Variants in SGMS2 observed in about 807,000 individuals in gnomAD.
SGMS2 encodes the protein phosphatidylcholine:ceramide cholinephosphotransferase 2.
In SGMS2, 21 loss-of-function variants were observed where a neutral mutation model predicts 43.8. The ratio of observed to expected loss-of-function variants is 0.48; its 90% confidence interval spans 0.34 to 0.69. The LOEUF (loss-of-function observed/expected upper bound fraction) is 0.69, where lower values mean the gene tolerates loss of function less well. Ranked by LOEUF, SGMS2 falls within the 30% of genes least tolerant of loss-of-function variation. The probability of loss-of-function intolerance (pLI) is 0.01; values close to 1 mark genes in which losing one functional copy is unlikely to be tolerated. For missense variants in SGMS2, 384 were observed against 443.2 expected, an observed-to-expected ratio of 0.87 and a Z score of 1.20; for synonymous variants, 167 against 160.6, an observed-to-expected ratio of 1.04 and a Z score of -0.30.
chr4:107,831,058 G>T (rs1254351442), intron 1 of SGMS2, among the ~76,000 whole-genome samples: 1 of 152,182 alleles, frequency 6.6e-6, no homozygotes, highest in Admixed American at 6.5e-5. Context: ...GAAGCAATTT[G>T]GAAAGTGTTT....
At chr4:107,889,563 T>A (rs1445362829) in intron 2 of SGMS2, among the ~76,000 whole-genome samples, 1 of 152,208 alleles carries the variant, frequency 6.6e-6, no homozygotes, top group African/African-American at 2.4e-5. Context: ...TAGAGCTTTT[T>A]AATATATTTT....
chr4:107,895,940 T>C lies in SGMS2; in HGVS notation c.387T>C (p.Ser129=), dbSNP rs1192113661. The C allele has an allele frequency of 6.2e-7, 1 of 1,613,876 alleles. No individual in the cohort carries two copies. Among genetic ancestry groups the C allele is most frequent in the East Asian group, 2.2e-5 (1 of 44,882 alleles). ...TTGATAGGGTGAAATGGGCATTTTC[T>C]GTATCAGAAATAAATGGGATTATAT... is the stretch of plus-strand genomic sequence containing the variant. The part of the protein sequence containing the change: ...DYIDRVKWAF[S]VSEINGIILV... Residue 129 remains serine, a synonymous_variant, in exon 3 of 7, where the codon TCT becomes TCC. Coordinates refer to ENST00000690982, the MANE Select transcript of SGMS2 (RefSeq NM_001375905.1).
chr4:107,836,798 G>A (rs567106464), intron 1 of SGMS2, among the ~76,000 whole-genome samples: 54 of 152,226 alleles, frequency 3.5e-4, no homozygotes, highest in African/African-American at 1.0e-3. Flanking sequence ...TTTGGCGGCC[G>A]GAACACATAT....
intron 1 of SGMS2, among the ~76,000 whole-genome samples, chr4:107,826,889 A>G (rs1001241120): frequency 4.6e-5 from 7 of 152,256 alleles, no homozygotes; most frequent in African/African-American, 7.2e-5. Flanking sequence ...ATAACAACTT[A>G]CAGGGTGAAA....
chr4:107,833,398 A>G (rs2125988396), intron 1 of SGMS2, among the ~76,000 whole-genome samples: 1 of 152,314 alleles, frequency 6.6e-6, no homozygotes, highest in Admixed American at 6.5e-5. Flanking sequence ...CCCAGAACCT[A>G]TGAATCTGTT....
chr4:107,859,367 T>C (rs1425536188), intron 2 of SGMS2, among the ~76,000 whole-genome samples: 2 of 152,324 alleles, frequency 1.3e-5, no homozygotes, highest in East Asian at 1.9e-4. Flanking sequence ...TCATTTAAAA[T>C]AAATATTTGT....
chr4:107,906,523 C>T (rs1731592208), intron 5 of SGMS2, among the ~76,000 whole-genome samples: 1 of 152,214 alleles, frequency 6.6e-6, no homozygotes, highest in Non-Finnish European at 1.5e-5. Context: ...TAGAATTCCA[C>T]ACAGACAGTG....
rs886312194 is a variant in SGMS2 at position 107,895,466 on chromosome 4, C to G, written c.-88C>G. The G allele has an allele frequency of 1.6e-5, 22 of 1,338,828 alleles. No homozygotes were observed. The highest frequency in any genetic ancestry group is 3.8e-4 in the Middle Eastern group (2 of 5,276). The allele number at this position is 1,338,828 out of a possible 1,614,324, so 82.9% of individuals were successfully genotyped here. A position where few individuals can be genotyped will look rare whatever the true frequency, so the allele number is the denominator to read the frequency against. ...GTCCATTGTAAGAGTCCATGTTGAT[C>G]TTGGAAATAGAAGGATTGAAAAAAG... On this transcript the variant is annotated 5_prime_UTR_variant, in exon 3 of 7. It adds an upstream start codon to the 5' untranslated region. Coordinates refer to ENST00000690982, the MANE Select transcript of SGMS2 (RefSeq NM_001375905.1).
At position 107,895,669 on chromosome 4, in the gene SGMS2, A is replaced by G. The variant is rs912978477; in HGVS notation, c.116A>G (p.Asn39Ser). 5.6e-6 allele frequency: 9 copies of G among 1,614,042 alleles called. No individual in the cohort carries two copies. The highest frequency in any genetic ancestry group is 2.2e-5 in the South Asian group (2 of 91,080). Residue 39 changes from asparagine to serine, a missense_variant, in exon 3 of 7, where the codon AAT (asparagine) becomes AGT (serine). By Grantham distance (46) the Asn-to-Ser change is conservative (BLOSUM62 1). Coordinates refer to ENST00000690982, the MANE Select transcript of SGMS2 (RefSeq NM_001375905.1). ...EPVEEENKNG[N>S]GKPKSLSSGL... Reference sequence around the variant, plus strand: ...GTTGAAGAAGAAAACAAAAATGGCAATGGTAAACCCAAGAGCTTATCCAGT... The same window carrying G: ...GTTGAAGAAGAAAACAAAAATGGCAGTGGTAAACCCAAGAGCTTATCCAGT...
intron 2 of SGMS2, among the ~76,000 whole-genome samples, chr4:107,876,391 C>T (rs1728913049): frequency 6.6e-6 from 1 of 152,102 alleles, no homozygotes; most frequent in African/African-American, 2.4e-5. Context: ...GCCTTTATCT[C>T]CATACAGAGC....
At chr4:107,855,771 G>A (rs1337151028) in intron 1 of SGMS2, among the ~76,000 whole-genome samples, 2 of 152,118 alleles carry the variant, frequency 1.3e-5, no homozygotes, top group Non-Finnish European at 2.9e-5. Context: ...TCTGTCCATT[G>A]CCAAAAGTGG....
intron 1 of SGMS2, among the ~76,000 whole-genome samples, chr4:107,851,349 A>T (rs1319298209): frequency 6.6e-6 from 1 of 152,186 alleles, no homozygotes; most frequent in Non-Finnish European, 1.5e-5. Context: ...CCTCTTAGAA[A>T]TCTTAAGAAC....
chr4:107,892,772 C>T (rs1046905562), intron 2 of SGMS2, among the ~76,000 whole-genome samples: 1 of 152,044 alleles, frequency 6.6e-6, no homozygotes, highest in Non-Finnish European at 1.5e-5. Context: ...AGAAGGCAAT[C>T]AGATATGCAT....
rs1385206233 is a variant in SGMS2 at position 107,899,674 on chromosome 4, T to C, written c.555T>C (p.His185=). Residue 185 remains histidine, a synonymous_variant, in exon 4 of 7, where the codon CAT becomes CAC. Transcript: ENST00000690982. ...CTACTCTACCTGTGCCTGGAATGCA[T>C]TTCCAGTGTGCTCCAAAGGTCAGTA... ...YVTTLPVPGM[H]FQCAPKLNGD... is the part of the protein sequence containing the mutation. The C allele has an allele frequency of 2.6e-5, 42 of 1,611,618 alleles. No homozygotes were observed. The highest frequency in any genetic ancestry group is 3.2e-5 in the Non-Finnish European group (38 of 1,178,716).
intron 1 of SGMS2, among the ~76,000 whole-genome samples, chr4:107,849,765 TTCA>T (rs1727034887): frequency 6.6e-6 from 1 of 152,230 alleles, no homozygotes; most frequent in African/African-American, 2.4e-5. Context: ...TTGGCTTGTT[TTCA>T]TCATATTTCC....
At chr4:107,867,088 GCTC>G (rs1306909296) in intron 2 of SGMS2, 1 of 152,132 alleles carries the variant, frequency 6.6e-6, no homozygotes, top group Non-Finnish European at 1.5e-5. Flanking sequence ...GAAAAGCAGA[GCTC>G]CTCAAGTTGA....
chr4:107,859,370 A>G (rs925271519), intron 2 of SGMS2, among the ~76,000 whole-genome samples: 2 of 152,314 alleles, frequency 1.3e-5, no homozygotes, highest in Non-Finnish European at 2.9e-5. Context: ...TTTAAAATAA[A>G]TATTTGTAGG....
intron 1 of SGMS2, among the ~76,000 whole-genome samples, chr4:107,850,272 A>G (rs189131116): frequency 6.6e-6 from 1 of 152,214 alleles, no homozygotes; most frequent in African/African-American, 2.4e-5. Flanking sequence ...CTTCAATTAA[A>G]CCTCTTTTCT....
rs1730586830 is a variant in SGMS2 at position 107,895,464 on chromosome 4, A to G, written c.-90A>G. 14 of 1,310,532 alleles carry G rather than the reference A, an allele frequency of 1.1e-5. No homozygotes were observed. In the South Asian group the frequency reaches 1.7e-4, roughly 16 times the overall value. 81.2% of individuals were successfully genotyped at this position (1,310,532 alleles called of 1,614,324 possible). A position where few individuals can be genotyped will look rare whatever the true frequency, so the allele number is the denominator to read the frequency against. Reference sequence around the variant, plus strand: ...AAGTCCATTGTAAGAGTCCATGTTGATCTTGGAAATAGAAGGATTGAAAAA... The same window carrying G: ...AAGTCCATTGTAAGAGTCCATGTTGGTCTTGGAAATAGAAGGATTGAAAAA... On this transcript the variant is annotated 5_prime_UTR_variant, in exon 3 of 7. Coordinates refer to ENST00000690982, the MANE Select transcript of SGMS2 (RefSeq NM_001375905.1).
Sources: allele counts gnomAD v4.1 joint callset (sites outside exome capture counted in the v4.1 genomes callset), GRCh38; gene constraint gnomAD v4.1.1; transcripts MANE v1.5; gene names NCBI Gene and HGNC (gene_info 2026-07-23, HGNC 2026-07-21).